Variants in CCDC18 observed in about 807,000 individuals in gnomAD.
The protein encoded by CCDC18 is coiled-coil domain-containing protein 18.
CCDC18 carries 157 observed loss-of-function variants against 196.0 expected under a neutral mutation model. That is an observed-to-expected ratio of 0.80 (90% CI 0.70 to 0.91). CCDC18 has a LOEUF of 0.91. Among genes scored for constraint, CCDC18 ranks in the 40% least tolerant of loss-of-function variants. The pLI is 0.00. For missense variants in CCDC18, 1,465 were observed against 1,611.6 expected (o/e 0.91, Z 1.56); for synonymous variants, 482 against 529.2 (o/e 0.91, Z 1.22).
rs762884124 is a variant in CCDC18 at position 93,254,578 on chromosome 1, T to C, written c.3306T>C (p.Ile1102=). 4.3e-6 allele frequency: 7 copies of C among 1,610,854 alleles called. No individual in the cohort carries two copies. The African/African-American group carries it at 6.7e-5, about 15-fold the overall frequency. ...AGATAAGTCAACTGAAAAAAGAAAT[T>C]GAAAGAACACAACAAAGGATGAAAG... ...EQEISQLKKE[I]ERTQQRMKEM... is the part of the protein sequence containing the mutation. The change falls in exon 24 of 29, where the codon ATT becomes ATC. Residue 1102 remains isoleucine, a synonymous_variant. Coordinates refer to ENST00000690025, the MANE Select transcript of CCDC18 (RefSeq NM_001378204.1).
intron 21 of CCDC18, among the ~76,000 whole-genome samples, chr1:93,245,066 TAC>T (rs1557682406): frequency 6.6e-6 from 1 of 152,208 alleles, no homozygotes; most frequent in Non-Finnish European, 1.5e-5. Context: ...CTGGACCTAT[TAC>T]AATGTAAACT....
In CCDC18 at chr1:93,232,441, A is replaced by G; in HGVS notation, c.2308A>G (p.Lys770Glu). Residue 770 changes from lysine to glutamate, a missense_variant, in exon 18 of 29, where the codon AAA becomes GAA. Physicochemically the swap from Lys to Glu is moderately conservative, Grantham distance 56. Coordinates refer to ENST00000690025, the MANE Select transcript of CCDC18 (RefSeq NM_001378204.1). ...TATTTGCCAGGTATATTGTTTACAG[A>G]AAGAGCTAAAGATAAAAAATCACAG... ...KKSEEVYCLQ[K>E]ELKIKNHSLQ... 1 of 1,595,996 alleles carries G rather than the reference A, an allele frequency of 6.3e-7. No homozygotes were observed.
rs1660069330 is a variant in CCDC18 at position 93,236,352 on chromosome 1, G to C, written c.2565G>C (p.Leu855Phe). The C allele has an allele frequency of 6.3e-7, 1 of 1,586,114 alleles. No individual in the cohort carries two copies. The highest frequency in any genetic ancestry group is 8.5e-7 in the Non-Finnish European group (1 of 1,170,822). Residue 855 changes from leucine to phenylalanine, a missense_variant, in exon 19 of 29, where the codon TTG becomes TTC. Physicochemically the swap from Leu to Phe is conservative, Grantham distance 22. Coordinates refer to ENST00000690025, the MANE Select transcript of CCDC18 (RefSeq NM_001378204.1). ...KCESAAHEAD[L>F]KRQKVIELTG... is the part of the protein sequence containing the mutation. ...AATCAGCTGCACATGAAGCAGATTTGAAAAGGCAAAAAGTGATTGAGCTTA... is the reference window on the plus strand; with the variant it reads ...AATCAGCTGCACATGAAGCAGATTTCAAAAGGCAAAAAGTGATTGAGCTTA...
intron 2 of CCDC18, among the ~76,000 whole-genome samples, 197 bp from the exon 3 acceptor site, chr1:93,183,781 G>A (rs1650157949): frequency 1.3e-5 from 2 of 148,272 alleles, no homozygotes; most frequent in Admixed American, 1.3e-4. Flanking sequence ...TCTTAGCGTA[G>A]AGGCTTTAGA....
At chr1:93,191,649 CAATAAATATTT>C (rs1367587263) in intron 4 of CCDC18, among the ~76,000 whole-genome samples, 1 of 151,968 alleles carries the variant, frequency 6.6e-6, no homozygotes, top group Non-Finnish European at 1.5e-5. Flanking sequence ...CATAAAAATT[CAATAAATATTT>C]TCTTTTATAA....
chr1:93,215,963 A>G (rs1221234942), intron 12 of CCDC18, among the ~76,000 whole-genome samples: 3 of 152,226 alleles, frequency 2.0e-5, no homozygotes, highest in East Asian at 1.9e-4. Context: ...CCACATGTGT[A>G]TATCTTATAC....
intron 17 of CCDC18, among the ~76,000 whole-genome samples, chr1:93,229,078 A>C (rs1658848362): frequency 6.6e-6 from 1 of 152,142 alleles, no homozygotes; most frequent in East Asian, 1.9e-4. Context: ...ATGTGCCACC[A>C]CACCTGGCTC....
intron 28 of CCDC18, among the ~76,000 whole-genome samples, 182 bp from the exon 29 acceptor site, chr1:93,278,281 A>G (rs914955046): frequency 6.6e-6 from 1 of 152,098 alleles, no homozygotes; most frequent in Non-Finnish European, 1.5e-5. Flanking sequence ...GAGCCACTGC[A>G]CCCGGCCTGC....
intron 7 of CCDC18, 115 bp from the exon 8 acceptor site, chr1:93,205,395 A>C (rs1654557501): frequency 1.2e-6 from 1 of 857,400 alleles, no homozygotes; most frequent in African/African-American, 1.7e-5. Context: ...ACTTAAATGT[A>C]TGAAATTCTT....
chr1:93,194,227 G>C (rs1395764539), intron 6 of CCDC18, among the ~76,000 whole-genome samples: 1 of 152,094 alleles, frequency 6.6e-6, no homozygotes, highest in Non-Finnish European at 1.5e-5. Flanking sequence ...TATCTATTTT[G>C]TATAAATTAT....
At chr1:93,184,855 A>G (rs567502181) in intron 3 of CCDC18, among the ~76,000 whole-genome samples, 17 of 152,138 alleles carry the variant, frequency 1.1e-4, no homozygotes, top group African/African-American at 3.8e-4. Flanking sequence ...GTCTGAATCT[A>G]CTTTTTAGAA....
intron 9 of CCDC18, among the ~76,000 whole-genome samples, chr1:93,209,493 C>T (rs1341018403): frequency 1.3e-5 from 2 of 152,106 alleles, no homozygotes; most frequent in Non-Finnish European, 2.9e-5. Context: ...CTGTTATGAA[C>T]TGTGGAATTA....
chr1:93,226,075 C>G (rs1345221594), intron 16 of CCDC18, among the ~76,000 whole-genome samples: 2 of 152,128 alleles, frequency 1.3e-5, no homozygotes, highest in Non-Finnish European at 2.9e-5. Context: ...ACTCCCTTTT[C>G]CTGGAATGCC....
At chr1:93,255,806 GATAGTGGGGAGGAGGGGGAGGA>G (rs1300135105) in intron 24 of CCDC18, among the ~76,000 whole-genome samples, 1 of 148,210 alleles carries the variant, frequency 6.7e-6, no homozygotes, top group Non-Finnish European at 1.5e-5. Context: ...AGGGGGGAGG[GATAGTGGGGAGGAGGGGGAGGA>G]ATACTTTATT....
chr1:93,217,127 AGGTTTCACC>A (rs200684730), intron 13 of CCDC18, among the ~76,000 whole-genome samples: 13,470 of 151,680 alleles, frequency 0.089, 1,963 homozygotes, highest in African/African-American at 0.31. Flanking sequence ...CAGTAGAGAC[AGGTTTCACC>A]GTGTTAGCCA....
Position 93,246,308 on chromosome 1 carries a change from A to T in CCDC18, c.3081+104A>T, listed in dbSNP as rs945800884. ...TTTGTAAAATGGGCATTTTTATAGC[A>T]TATCTTTTCTCTGCACATAGGGTTT... On this transcript the variant is annotated intron_variant, in intron 22 of 28. Coordinates refer to ENST00000690025, the MANE Select transcript of CCDC18 (RefSeq NM_001378204.1). 10 of 647,318 alleles carry T rather than the reference A, an allele frequency of 1.5e-5. No homozygotes were observed. In the East Asian group the frequency reaches 2.8e-4, roughly 18 times the overall value. 40.1% of individuals were successfully genotyped at this position (647,318 alleles called of 1,614,324 possible). A position where few individuals can be genotyped will look rare whatever the true frequency, so the allele number is the denominator to read the frequency against.
At chr1:93,193,396 T>C (rs1451796043) in intron 5 of CCDC18, among the ~76,000 whole-genome samples, 1 of 152,178 alleles carries the variant, frequency 6.6e-6, no homozygotes, top group East Asian at 1.9e-4. Flanking sequence ...ATGTGAGTTA[T>C]TACTTCAGAT....
intron 19 of CCDC18, among the ~76,000 whole-genome samples, chr1:93,236,991 T>C (rs1460229966): frequency 1.3e-5 from 2 of 152,210 alleles, no homozygotes; most frequent in Non-Finnish European, 2.9e-5. Flanking sequence ...ACCCAGCCTC[T>C]TCAGATCTCT....
At chr1:93,190,435 C>T (rs527286143) in intron 4 of CCDC18, among the ~76,000 whole-genome samples, 8 of 152,070 alleles carry the variant, frequency 5.3e-5, no homozygotes, top group African/African-American at 1.4e-4. Context: ...TGCAGTGAGC[C>T]GAGATCGCGC....
Sources: gnomAD v4.1 joint callset for allele counts (sites outside exome capture counted in the v4.1 genomes callset) on GRCh38, gnomAD v4.1.1 for gene constraint, MANE v1.5 for transcripts, NCBI Gene and HGNC (gene_info 2026-07-23, HGNC 2026-07-21) for gene names.